The following CPEB2 variants were observed in gnomAD, a reference collection of about 807,000 sequenced individuals.
CPEB2 encodes the protein cytoplasmic polyadenylation element binding protein 2.
A neutral mutation model predicts 93.6 loss-of-function variants in CPEB2; 56 were observed. The observed-to-expected ratio is 0.60, with a 90% CI of 0.48 to 0.75. CPEB2 has a LOEUF of 0.75. Ranked by LOEUF, CPEB2 falls within the 30% of genes least tolerant of loss-of-function variation. CPEB2 has a pLI of 0.00. For synonymous variants in CPEB2, 764 were observed against 586.3 expected (o/e 1.30, Z -4.38); for missense variants, 1,579 against 1,395.1 (o/e 1.13, Z -2.10).
At chr4:15,046,102 T>C (rs1387092178) in intron 6 of CPEB2, among the ~76,000 whole-genome samples, 5 of 152,044 alleles carry the variant, frequency 3.3e-5, no homozygotes, top group Admixed American at 1.3e-4. Flanking sequence ...TGAGCACTCG[T>C]TTCTCTTGGA....
chr4:15,027,772 ACATAT>A (rs1379129951), intron 4 of CPEB2, among the ~76,000 whole-genome samples: 2 of 152,194 alleles, frequency 1.3e-5, no homozygotes, highest in Non-Finnish European at 2.9e-5. Context: ...AACATACCAT[ACATAT>A]CATTTATTGA....
At chr4:15,020,341 A>T (rs1319577177) in intron 4 of CPEB2, among the ~76,000 whole-genome samples, 1 of 152,092 alleles carries the variant, frequency 6.6e-6, no homozygotes, top group African/African-American at 2.4e-5. Flanking sequence ...TTTGTATTCA[A>T]TTCGACCCAC....
intron 6 of CPEB2, among the ~76,000 whole-genome samples, chr4:15,051,312 A>T (rs186541891): frequency 2.0e-5 from 3 of 152,308 alleles, no homozygotes; most frequent in African/African-American, 7.2e-5. Flanking sequence ...CTGTCATTCA[A>T]TGCTAAATAC....
intron 3 of CPEB2, among the ~76,000 whole-genome samples, chr4:15,016,793 T>C (rs971984193): frequency 7.9e-5 from 12 of 151,978 alleles, no homozygotes; most frequent in Non-Finnish European, 1.6e-4. Flanking sequence ...CTCCCAAATA[T>C]TTATTTTCTA....
chr4:15,068,799 G>C lies in CPEB2; in HGVS notation c.*2419G>C, dbSNP rs1729885302. ...GGGAATGTACTAGAACACCCTTTTT[G>C]CCACGGGTAAAAATAACAGAAATGT... On this transcript the variant is annotated 3_prime_UTR_variant, in exon 12 of 12. Coordinates refer to ENST00000538197, the MANE Select transcript of CPEB2 (RefSeq NM_001177382.2). 6.6e-6 allele frequency: 1 copy of C among 151,868 alleles called. No individual in the cohort carries two copies. Among genetic ancestry groups the C allele is most frequent in the Admixed American group, 6.6e-5 (1 of 15,176 alleles). 9.4% of individuals were successfully genotyped at this position (151,868 alleles called of 1,614,324 possible).
At chr4:15,053,515 ATCAC>A (rs2109083493) in intron 7 of CPEB2, among the ~76,000 whole-genome samples, 1 of 152,356 alleles carries the variant, frequency 6.6e-6, no homozygotes, top group Admixed American at 6.5e-5. Context: ...TGGGAAATGT[ATCAC>A]TCATTCTTAC....
chr4:15,025,607 T>A (rs187547693), intron 4 of CPEB2, among the ~76,000 whole-genome samples: 6 of 151,796 alleles, frequency 4.0e-5, no homozygotes, highest in Non-Finnish European at 7.4e-5. Context: ...CTTCTGCTTG[T>A]GAGCTGTAGG....
chr4:15,028,660 TG>T (rs1166339858), intron 4 of CPEB2, among the ~76,000 whole-genome samples: 2 of 151,918 alleles, frequency 1.3e-5, no homozygotes, highest in African/African-American at 4.8e-5. Context: ...CAGGATAGTC[TG>T]TCATGCTATC....
At chr4:15,014,664 C>A (rs1049111202) in intron 3 of CPEB2, among the ~76,000 whole-genome samples, 2 of 151,848 alleles carry the variant, frequency 1.3e-5, no homozygotes, top group Admixed American at 6.6e-5. Context: ...TTACAGAACT[C>A]GACTTTTTTT....
At chr4:15,038,900 T>A (rs1726904606) in intron 5 of CPEB2, among the ~76,000 whole-genome samples, 5 of 152,160 alleles carry the variant, frequency 3.3e-5, no homozygotes, top group Admixed American at 3.3e-4. Flanking sequence ...CATAGTCTAT[T>A]CTTGATCACT....
chr4:15,011,468 C>T (rs1343138267), intron 3 of CPEB2, among the ~76,000 whole-genome samples: 2 of 152,066 alleles, frequency 1.3e-5, no homozygotes, highest in Non-Finnish European at 2.9e-5. Flanking sequence ...GCTAGTTACC[C>T]TTGCGAGAAT....
intron 4 of CPEB2, among the ~76,000 whole-genome samples, chr4:15,024,696 A>T: frequency 6.7e-6 from 1 of 148,502 alleles, no homozygotes; most frequent in African/African-American, 2.5e-5. Context: ...TAATTCAGAG[A>T]TTTATATCTT....
intron 4 of CPEB2, 133 bp from the exon 5 acceptor site, chr4:15,033,028 T>C (rs1726276140): frequency 1.7e-6 from 1 of 587,056 alleles, no homozygotes; most frequent in Non-Finnish European, 2.9e-6. Flanking sequence ...CATAAGCTTT[T>C]TAGTTCTTAA....
chr4:15,021,084 C>G (rs1724750709), intron 4 of CPEB2, among the ~76,000 whole-genome samples: 1 of 152,120 alleles, frequency 6.6e-6, no homozygotes, highest in Admixed American at 6.6e-5. Flanking sequence ...TTAGGGCTGC[C>G]TGATGCCGAC....
At chr4:15,004,561 C>T (rs1722521576) in intron 1 of CPEB2, among the ~76,000 whole-genome samples, 1 of 152,092 alleles carries the variant, frequency 6.6e-6, no homozygotes, top group East Asian at 1.9e-4. Flanking sequence ...GCTGTGGGGG[C>T]GTGGGAGACG....
chr4:15,017,478 T>A, intron 4 of CPEB2, 200 bp downstream of exon 4: 1 of 386,064 alleles, frequency 2.6e-6, no homozygotes, highest in Non-Finnish European at 4.6e-6. Flanking sequence ...CTCCCTTGAC[T>A]TACAATTTAA....
At chr4:15,036,241 A>T (rs1726597336) in intron 5 of CPEB2, among the ~76,000 whole-genome samples, 1 of 152,172 alleles carries the variant, frequency 6.6e-6, no homozygotes, top group Admixed American at 6.5e-5. Flanking sequence ...TTTTTAATTT[A>T]AACAATAAAA....
chr4:15,020,800 AAG>A, intron 4 of CPEB2, among the ~76,000 whole-genome samples: 1 of 152,288 alleles, frequency 6.6e-6, no homozygotes, highest in Non-Finnish European at 1.5e-5. Flanking sequence ...CTACTGGGGA[AAG>A]AGAGATTCCT....
chr4:15,038,310 A>G (rs750591717), intron 5 of CPEB2, among the ~76,000 whole-genome samples: 1 of 152,218 alleles, frequency 6.6e-6, no homozygotes, highest in Non-Finnish European at 1.5e-5. Context: ...TGGCTATGAT[A>G]TCATTAATTT....
Sources: allele counts gnomAD v4.1 joint callset (sites outside exome capture counted in the v4.1 genomes callset), GRCh38; gene constraint gnomAD v4.1.1; transcripts MANE v1.5; gene names NCBI Gene and HGNC (gene_info 2026-07-23, HGNC 2026-07-21).